The following RNF19A variants were observed in gnomAD, a reference collection of about 807,000 sequenced individuals.
RNF19A encodes the protein ring finger protein 19A, RBR E3 ubiquitin protein ligase.
RNF19A carries 32 observed loss-of-function variants against 75.7 expected under a neutral mutation model. The ratio of observed to expected loss-of-function variants is 0.42; its 90% CI spans 0.32 to 0.57. The LOEUF (loss-of-function observed/expected upper bound fraction) is 0.57, where lower values mean the gene tolerates loss of function less well. Among genes scored for constraint, RNF19A ranks in the 20% least tolerant of loss-of-function variants. The pLI is 0.10. For synonymous variants in RNF19A, 335 were observed against 345.2 expected, an observed-to-expected ratio of 0.97 and a Z score of 0.33; for missense variants, 782 against 1,036.3, an observed-to-expected ratio of 0.75 and a Z score of 3.37.
At chr8:100,321,670 A>G (rs1438946660) in intron 1 of RNF19A, among the ~76,000 whole-genome samples, 1 of 152,236 alleles carries the variant, frequency 6.6e-6, no homozygotes, top group Non-Finnish European at 1.5e-5. Flanking sequence ...ATCACTATCT[A>G]TGGAAGCTAT....
chr8:100,278,709 C>G (rs1051196587), intron 2 of RNF19A, among the ~76,000 whole-genome samples: 1 of 151,962 alleles, frequency 6.6e-6, no homozygotes, highest in East Asian at 1.9e-4. Context: ...GTTCAATATA[C>G]TAGTATTCAT....
In RNF19A at chr8:100,261,561, T is replaced by C. The variant is rs762549381; in HGVS notation, c.1663A>G (p.Met555Val). Residue 555 changes from methionine (M) to valine (V), a missense_variant, in exon 8 of 10, where the codon ATG (methionine) becomes GTG (valine). Coordinates refer to ENST00000341084, the MANE Select transcript of RNF19A (RefSeq NM_183419.4). This position sits in a 1 kb window ranked among gnomAD's most constrained non-coding sequence, Gnocchi z 4.4. ...SITGSLSGSA[M>V]VNCFNRLEVQ... The stretch of plus-strand genomic sequence containing the variant: ...ACACACCTGTTAAAACAGTTTACCA[T>C]GGCACTTCCTGACAGACTCCCCGTT... 1 of 1,614,116 alleles carries C rather than the reference T, an allele frequency of 6.2e-7. No individual in the cohort carries two copies. The highest frequency in any genetic ancestry group is 1.1e-5 in the South Asian group (1 of 91,072).
At position 100,275,217 on chromosome 8, in the gene RNF19A, T is replaced by C. The variant is rs1820447955; in HGVS notation, c.675-56A>G. 3.4e-6 allele frequency: 5 copies of C among 1,464,562 alleles called. No homozygotes were observed. Among genetic ancestry groups the C allele is most frequent in the Non-Finnish European group, 4.8e-6 (5 of 1,051,728 alleles). The allele number at this position is 1,464,562 out of a possible 1,614,324, so 90.7% of individuals were successfully genotyped here. A position where few individuals can be genotyped will look rare whatever the true frequency, so the allele number is the denominator to read the frequency against. On this transcript the variant is annotated intron_variant, in intron 2 of 9. Coordinates refer to ENST00000341084, the MANE Select transcript of RNF19A (RefSeq NM_183419.4). The surrounding 1 kb of genome is among the most constrained non-coding windows in gnomAD (Gnocchi z 4.3). Reference sequence around the variant, plus strand: ...GTGACATAAAACAAGAGATACTCATTTCAAAAAGTATCCAACTAAAGATTA... The same window carrying C: ...GTGACATAAAACAAGAGATACTCATCTCAAAAAGTATCCAACTAAAGATTA...
intron 1 of RNF19A, among the ~76,000 whole-genome samples, chr8:100,299,690 T>C (rs993502552): frequency 1.3e-5 from 2 of 151,540 alleles, no homozygotes; most frequent in African/African-American, 4.9e-5. Flanking sequence ...ACCCAGGAGG[T>C]GGAGGTTGAG....
At position 100,288,148 on chromosome 8, in the gene RNF19A, G is replaced by A. The variant is rs780563239; in HGVS notation, c.27C>T (p.Ile9=). The change falls in exon 2 of 10, where the codon ATC becomes ATT. Residue 9 remains isoleucine (I), a synonymous_variant. Transcript: ENST00000341084. MQEQEIGF[I]SKYNEGLCVN... is the part of the protein sequence containing the mutation. ...CACACAGCCCTTCATTATATTTAGA[G>A]ATAAAACCTATTTCTTGTTCTTGCA... is the stretch of plus-strand genomic sequence containing the variant. 17 of 1,607,270 alleles carry A rather than the reference G, an allele frequency of 1.1e-5. No homozygotes were observed. Among genetic ancestry groups the A allele is most frequent in the Admixed American group, 3.4e-5 (2 of 59,392 alleles).
chr8:100,318,264 T>G (rs1015397847), intron 1 of RNF19A, among the ~76,000 whole-genome samples: 3 of 152,240 alleles, frequency 2.0e-5, no homozygotes, highest in Non-Finnish European at 4.4e-5. Flanking sequence ...TTCCCTTGGC[T>G]GTGAGAAAGC....
At chr8:100,316,194 C>CA (rs1160705963) in intron 1 of RNF19A, among the ~76,000 whole-genome samples, 3 of 151,234 alleles carry the variant, frequency 2.0e-5, no homozygotes, top group Admixed American at 6.6e-5. Context: ...TCCTTCCTCC[C>CA]AGTGGGCTTG....
At chr8:100,292,583 G>C (rs1042339623) in intron 1 of RNF19A, among the ~76,000 whole-genome samples, 1 of 152,056 alleles carries the variant, frequency 6.6e-6, no homozygotes, top group Non-Finnish European at 1.5e-5. Context: ...ACCAGCCTTA[G>C]AAAGCCTTGC....
In RNF19A at chr8:100,333,752, A is replaced by G. The variant is rs1175573593; in HGVS notation, c.-243+2356T>C. Among the ~76,000 whole-genome samples, 1 of 152,152 alleles carries G rather than the reference A, an allele frequency of 6.6e-6. No individual in the cohort carries two copies. The highest frequency in any genetic ancestry group is 2.4e-5 in the African/African-American group (1 of 41,412). ...AGGATCACTTGAGCCCAGGAGTTCA[A>G]TGGTGTAGCCAGCTATGATTATGCC... On this transcript the variant is annotated intron_variant, in intron 1 of 3. Transcript: ENST00000519527. This position sits in a 1 kb window ranked among gnomAD's most constrained non-coding sequence, Gnocchi z 4.7.
intron 3 of RNF19A, among the ~76,000 whole-genome samples, chr8:100,274,601 T>C (rs538630932): frequency 6.6e-6 from 1 of 152,272 alleles, no homozygotes; most frequent in East Asian, 1.9e-4. Flanking sequence ...CCCAGGCCGT[T>C]CTCGAACTCC....
rs1822632215 is a variant in RNF19A, at chr8:100,333,177, T to C, written c.-243+2931A>G. Among the ~76,000 whole-genome samples, 1 of 152,236 alleles carries C rather than the reference T, an allele frequency of 6.6e-6. No individual in the cohort carries two copies. Among genetic ancestry groups the C allele is most frequent in the African/African-American group, 2.4e-5 (1 of 41,456 alleles). On this transcript the variant is annotated intron_variant, in intron 1 of 3. Coordinates refer to the RNF19A transcript ENST00000519527. The surrounding 1 kb of genome is among the most constrained non-coding windows in gnomAD (Gnocchi z 4.7). The stretch of plus-strand genomic sequence containing the variant: ...AAAAGTGTGTTTGGTCCTGTCTTGC[T>C]CTTCCTCTTGTCCATGTGATGCTTT...
At chr8:100,307,219 A>G (rs1291794663) in intron 1 of RNF19A, among the ~76,000 whole-genome samples, 2 of 152,208 alleles carry the variant, frequency 1.3e-5, no homozygotes, top group Non-Finnish European at 2.9e-5. Flanking sequence ...AAAAACGAAT[A>G]ACAATTCCCT....
intron 1 of RNF19A, among the ~76,000 whole-genome samples, chr8:100,316,840 G>A (rs1298356905): frequency 6.6e-6 from 1 of 152,234 alleles, no homozygotes; most frequent in African/African-American, 2.4e-5. Context: ...GCTCCTGGGG[G>A]AGGCTCAGGC....
In RNF19A at chr8:100,325,395, A is replaced by G. The variant is rs11992025; in HGVS notation, c.-243+10713T>C. On this transcript the variant is annotated intron_variant, in intron 1 of 3. Transcript: ENST00000519527. This position sits in a 1 kb window ranked among gnomAD's most constrained non-coding sequence, Gnocchi z 4.3. The stretch of plus-strand genomic sequence containing the variant: ...ACAAAGTAATTCTGGATCTGCCTCT[A>G]TGGTGTCTGCTAATTTGCCCCTCTG... Among the ~76,000 whole-genome samples the G allele has an allele frequency of 0.056, 8,506 of 152,208 alleles. 797 individuals carry two copies. The highest frequency in any genetic ancestry group is 0.19 in the African/African-American group (7,986 of 41,486).
intron 5 of RNF19A, among the ~76,000 whole-genome samples, chr8:100,265,328 A>C (rs1312389037): frequency 6.6e-6 from 1 of 152,220 alleles, no homozygotes; most frequent in Admixed American, 6.5e-5. Context: ...CAAATGACTC[A>C]AATTCCAGGG....
intron 1 of RNF19A, among the ~76,000 whole-genome samples, chr8:100,327,578 G>A (rs1318739411): frequency 2.0e-5 from 3 of 152,102 alleles, no homozygotes; most frequent in Non-Finnish European, 2.9e-5. Context: ...GCTACTTACT[G>A]CATCAGTTCT....
At chr8:100,266,550 G>A (rs900377929) in intron 5 of RNF19A, among the ~76,000 whole-genome samples, 3 of 151,574 alleles carry the variant, frequency 2.0e-5, no homozygotes, top group African/African-American at 4.9e-5. Context: ...TCTCTGTGTC[G>A]CTCAGACTAG....
chr8:100,321,703 AAAT>A (rs1346356689), intron 1 of RNF19A, among the ~76,000 whole-genome samples: 7 of 152,242 alleles, frequency 4.6e-5, no homozygotes, highest in African/African-American at 1.7e-4. Flanking sequence ...TGTATTTCTT[AAAT>A]AATAAGACTT....
intron 2 of RNF19A, among the ~76,000 whole-genome samples, chr8:100,281,243 AT>A (rs1369913293): frequency 2.0e-5 from 3 of 152,222 alleles, no homozygotes; most frequent in African/African-American, 7.2e-5. Flanking sequence ...CTCCAGAAGT[AT>A]CTTCTGTTCA....
Sources: gnomAD v4.1 joint callset for allele counts (sites outside exome capture counted in the v4.1 genomes callset) on GRCh38, gnomAD v4.1.1 for gene constraint, Gnocchi (gnomAD v3.1) non-coding constraint, MANE v1.5 for transcripts, NCBI Gene and HGNC (gene_info 2026-07-23, HGNC 2026-07-21) for gene names.